Variants in NUP160 observed in about 807,000 individuals in gnomAD.
NUP160 encodes the protein nuclear pore complex protein Nup160.
In NUP160, 94 loss-of-function variants were observed where a neutral mutation model predicts 196.9. The observed-to-expected ratio is 0.48, with a 90% CI of 0.40 to 0.57. The LOEUF is 0.57. NUP160 is among the 20% of genes least tolerant of loss of function. The pLI, the probability that NUP160 is intolerant of heterozygous loss-of-function variation, is 0.00. For synonymous variants in NUP160, 605 were observed against 619.7 expected (o/e 0.98, Z 0.35); for missense variants, 1,638 against 1,748.3 (o/e 0.94, Z 1.13).
exon 28 of NUP160, chr11:47,792,917 G>A (rs750080321): frequency 6.8e-6 from 11 of 1,613,464 alleles, no homozygotes; most frequent in Non-Finnish European, 8.5e-6. Context: ...CTGCCAAGCC[G>A]CATTCCATAC....
At chr11:47,823,616 G>A (rs1351459526) in intron 7 of NUP160, among the ~76,000 whole-genome samples, 3 of 151,856 alleles carry the variant, frequency 2.0e-5, no homozygotes, top group Admixed American at 1.3e-4. Context: ...CTCACTGCAA[G>A]CTCTGCCTCC....
At chr11:47,804,355 C>T (rs781304381) in intron 21 of NUP160, 194 bp downstream of exon 21, 7 of 515,268 alleles carry the variant, frequency 1.4e-5, no homozygotes, top group Non-Finnish European at 1.0e-5. Context: ...TATTTAGCTT[C>T]GTAGATCAGA....
chr11:47,841,416 C>A (rs1043468681), intron 2 of NUP160: 3 of 464,972 alleles, frequency 6.5e-6, no homozygotes, highest in African/African-American at 4.1e-5. Flanking sequence ...CAGAATTCAT[C>A]TCCACTTGGT....
exon 2 of NUP160, chr11:47,847,864 T>G: frequency 6.2e-7 from 1 of 1,613,266 alleles, no homozygotes; most frequent in Non-Finnish European, 8.5e-7. Context: ...ATGAACCTGT[T>G]TCTGGTTACG....
At chr11:47,829,817 T>C (rs555730666) in intron 7 of NUP160, among the ~76,000 whole-genome samples, 1 of 152,230 alleles carries the variant, frequency 6.6e-6, no homozygotes, top group East Asian at 1.9e-4. Context: ...GGGCAAAGAT[T>C]TCAAGACGAA....
chr11:47,785,638 A>G lies in NUP160; in HGVS notation c.3849-575T>C, dbSNP rs560945916. ...TTATTTGTTTGGCTATTAATGCATA[A>G]TTCATTTAACTCCTTTGTTTCTGCA... On this transcript the variant is annotated intron_variant, in intron 32 of 35. Transcript: ENST00000378460. 2.3e-3 allele frequency among the ~76,000 whole-genome samples: 349 copies of G among 152,348 alleles called. 3 individuals are homozygous for G. The highest frequency in any genetic ancestry group is 8.0e-3 in the African/African-American group (334 of 41,584).
rs372177439 is a variant in NUP160, at chr11:47,790,419, C to T, written c.3511+1511G>A. 4.8e-4 allele frequency among the ~76,000 whole-genome samples: 73 copies of T among 152,144 alleles called. 1 individual carries two copies. The South Asian group carries it at 0.015, about 31-fold the overall frequency. ...GGATTACAGCCACCCGCCACCACAC[C>T]CAGCTGATTTTTTGTAGTTTTACTA... On this transcript the variant is annotated intron_variant, in intron 29 of 35. Transcript: ENST00000378460.
At chr11:47,835,344 CTT>C (rs1337456757) in intron 7 of NUP160, among the ~76,000 whole-genome samples, 2 of 152,320 alleles carry the variant, frequency 1.3e-5, no homozygotes, top group African/African-American at 4.8e-5. Flanking sequence ...GAAAAATTAA[CTT>C]AACACCACAT....
At chr11:47,779,464 C>T (rs556597848) in intron 35 of NUP160, 1 of 491,140 alleles carries the variant, frequency 2.0e-6, no homozygotes, top group Admixed American at 2.6e-5. Context: ...AAAAGGATCA[C>T]TAACTCTTTT....
At chr11:47,817,885 T>G (rs1177103646) in intron 11 of NUP160, among the ~76,000 whole-genome samples, 171 bp downstream of exon 11, 1 of 152,148 alleles carries the variant, frequency 6.6e-6, no homozygotes, top group Non-Finnish European at 1.5e-5. Flanking sequence ...CCATGAATAC[T>G]GTATTTAATG....
At chr11:47,846,263 C>T (rs1306601481) in intron 2 of NUP160, among the ~76,000 whole-genome samples, 1 of 152,068 alleles carries the variant, frequency 6.6e-6, no homozygotes, top group African/African-American at 2.4e-5. Context: ...AGGTGTGAGC[C>T]ACTGTGCCCA....
At chr11:47,848,094 C>G (rs1852436362) in intron 1 of NUP160, 125 bp downstream of exon 1, 5 of 1,313,880 alleles carry the variant, frequency 3.8e-6, no homozygotes, top group African/African-American at 1.4e-5. Flanking sequence ...ATCAAGGAAT[C>G]TCTGATCCCG....
At chr11:47,833,740 G>A (rs530136597) in intron 7 of NUP160, among the ~76,000 whole-genome samples, 2 of 151,888 alleles carry the variant, frequency 1.3e-5, no homozygotes, top group Admixed American at 1.3e-4. Context: ...GAAGTGGGCA[G>A]ATCACAAGGT....
At chr11:47,801,775 C>A (rs752065897) in intron 23 of NUP160, 36 bp downstream of exon 23, 3 of 1,581,302 alleles carry the variant, frequency 1.9e-6, no homozygotes, top group Admixed American at 1.8e-5. Context: ...TGTTTTTACA[C>A]AGGGTGGTAT....
intron 13 of NUP160, among the ~76,000 whole-genome samples, chr11:47,813,930 G>A (rs189390361): frequency 0.011 from 1,638 of 152,016 alleles, 21 homozygotes; most frequent in Non-Finnish European, 0.016. Context: ...AATTAGCCAG[G>A]TGTGGTGGCG....
intron 29 of NUP160, 93 bp downstream of exon 29, chr11:47,791,837 G>A: frequency 2.3e-6 from 2 of 870,290 alleles, no homozygotes; most frequent in Non-Finnish European, 3.7e-6. Flanking sequence ...ATTATATGTA[G>A]CTTATTTAAC....
At chr11:47,842,465 C>T (rs1378160012) in intron 2 of NUP160, among the ~76,000 whole-genome samples, 2 of 152,124 alleles carry the variant, frequency 1.3e-5, no homozygotes, top group Non-Finnish European at 2.9e-5. Flanking sequence ...GACAGTGACC[C>T]CAGAGTTTTC....
chr11:47,800,268 T>C (rs1169222368), intron 23 of NUP160, among the ~76,000 whole-genome samples: 1 of 151,426 alleles, frequency 6.6e-6, no homozygotes, highest in African/African-American at 2.4e-5. Context: ...AAAAAAAGTA[T>C]AGTATATACG....
At chr11:47,845,903 A>G (rs1277443777) in intron 2 of NUP160, among the ~76,000 whole-genome samples, 1 of 152,156 alleles carries the variant, frequency 6.6e-6, no homozygotes, top group Non-Finnish European at 1.5e-5. Context: ...GAGGCCGAGA[A>G]CGGGGCACTG....
Sources: gnomAD v4.1 joint callset for allele counts (sites outside exome capture counted in the v4.1 genomes callset) on GRCh38, gnomAD v4.1.1 for gene constraint, MANE v1.5 for transcripts, NCBI Gene and HGNC (gene_info 2026-07-23, HGNC 2026-07-21) for gene names.